Variants in SEC24D observed in about 807,000 individuals in gnomAD.
SEC24D encodes the protein SEC24 homolog D, COPII component.
A neutral mutation model predicts 116.9 loss-of-function variants in SEC24D; 69 were observed. That is an observed-to-expected ratio of 0.59 (90% CI 0.49 to 0.72). The LOEUF is 0.72. SEC24D is among the 30% of genes least tolerant of loss of function. The pLI is 0.00. For missense variants in SEC24D, 1,131 were observed against 1,264.1 expected (o/e 0.89, Z 1.60); for synonymous variants, 405 against 442.8 (o/e 0.91, Z 1.07).
chr4:118,788,804 T>C (rs747806788), intron 8 of SEC24D, among the ~76,000 whole-genome samples: 1 of 152,168 alleles, frequency 6.6e-6, no homozygotes. Flanking sequence ...TAAGATTCAC[T>C]GTGCTAAAAA....
intron 7 of SEC24D, among the ~76,000 whole-genome samples, chr4:118,800,912 G>A (rs1218654079): frequency 6.6e-6 from 1 of 152,106 alleles, no homozygotes; most frequent in East Asian, 1.9e-4. Flanking sequence ...AATGCTGGAT[G>A]AGGAGTTGAG....
intron 15 of SEC24D, 77 bp downstream of exon 15, chr4:118,743,911 C>A: frequency 1.5e-6 from 2 of 1,337,026 alleles, no homozygotes; most frequent in South Asian, 1.6e-5. Context: ...GGGAACACAG[C>A]TTTTTAAACC....
chr4:118,758,773 C>G (rs994365259), intron 10 of SEC24D: 2 of 152,126 alleles, frequency 1.3e-5, no homozygotes, highest in African/African-American at 4.8e-5. Flanking sequence ...ATATCCACTA[C>G]AAGGCTAGAG....
intron 7 of SEC24D, among the ~76,000 whole-genome samples, chr4:118,798,141 TAAAAC>T (rs965830638): frequency 5.9e-5 from 9 of 152,090 alleles, no homozygotes; most frequent in Admixed American, 1.3e-4. Flanking sequence ...ATGGAAAAAA[TAAAAC>T]AAAGAGACAC....
intron 8 of SEC24D, among the ~76,000 whole-genome samples, chr4:118,797,319 T>C (rs1052782693): frequency 1.3e-5 from 2 of 152,240 alleles, no homozygotes; most frequent in South Asian, 2.1e-4. Flanking sequence ...TCAAGGACTA[T>C]AGGATCTATC....
Position 118,731,520 on chromosome 4 carries a change from A to G in SEC24D, c.2677-13T>C. On this transcript the variant is annotated splice_polypyrimidine_tract_variant and intron_variant, in intron 20 of 22. Transcript: ENST00000280551. The stretch of plus-strand genomic sequence containing the variant: ...CATCTAACGTGTGCTGGGCAGGCAC[A>G]GACAAAAGAGTTAGAAACTCCTTTC... 6.2e-7 allele frequency: 1 copy of G among 1,612,220 alleles called. No homozygotes were observed. Among genetic ancestry groups the G allele is most frequent in the East Asian group, 2.2e-5 (1 of 44,854 alleles).
chr4:118,781,239 C>T (rs1161090056), intron 8 of SEC24D, among the ~76,000 whole-genome samples: 2 of 152,136 alleles, frequency 1.3e-5, no homozygotes, highest in Non-Finnish European at 2.9e-5. Context: ...TTGTCCCTTT[C>T]CATGTTTAGT....
chr4:118,827,798 C>T (rs767125314), intron 2 of SEC24D, among the ~76,000 whole-genome samples: 1 of 152,148 alleles, frequency 6.6e-6, no homozygotes, highest in Non-Finnish European at 1.5e-5. Flanking sequence ...TTGTTTGCTT[C>T]CTGATACCCT....
At chr4:118,780,479 T>C (rs1356262470) in intron 8 of SEC24D, among the ~76,000 whole-genome samples, 1 of 152,208 alleles carries the variant, frequency 6.6e-6, no homozygotes, top group Non-Finnish European at 1.5e-5. Flanking sequence ...TTTGTTGTGA[T>C]TTCTGTTCTT....
chr4:118,777,092 A>T (rs1223044887), intron 8 of SEC24D, among the ~76,000 whole-genome samples: 1 of 148,548 alleles, frequency 6.7e-6, no homozygotes, highest in Admixed American at 6.8e-5. Context: ...GAAGGTCTGA[A>T]TTATTTATTT....
intron 6 of SEC24D, among the ~76,000 whole-genome samples, chr4:118,808,864 G>T (rs925139075): frequency 6.6e-6 from 1 of 152,168 alleles, no homozygotes; most frequent in Non-Finnish European, 1.5e-5. Flanking sequence ...TGAGATAAAT[G>T]AACAAGGATA....
intron 21 of SEC24D, chr4:118,729,661 G>T (rs1376266459): frequency 2.0e-5 from 3 of 152,200 alleles, no homozygotes; most frequent in African/African-American, 7.2e-5. Context: ...TGATATGAAG[G>T]ATTTTGACTT....
At chr4:118,736,733 A>G (rs1225627209) in intron 19 of SEC24D, among the ~76,000 whole-genome samples, 1 of 152,198 alleles carries the variant, frequency 6.6e-6, no homozygotes, top group African/African-American at 2.4e-5. Flanking sequence ...AAAACATATC[A>G]TTGGTTGAAA....
chr4:118,756,694 G>C (rs1341737475), intron 11 of SEC24D, among the ~76,000 whole-genome samples: 1 of 152,138 alleles, frequency 6.6e-6, no homozygotes. Context: ...CTAGGTTACA[G>C]ACAACATTTC....
At chr4:118,828,220 T>C (rs1286250436) in intron 2 of SEC24D, among the ~76,000 whole-genome samples, 1 of 152,068 alleles carries the variant, frequency 6.6e-6, no homozygotes, top group Non-Finnish European at 1.5e-5. Flanking sequence ...GCCATTCTCC[T>C]GCCTCAGCCT....
intron 1 of SEC24D, among the ~76,000 whole-genome samples, chr4:118,835,470 C>G (rs1235308377): frequency 6.6e-6 from 1 of 152,218 alleles, no homozygotes; most frequent in Non-Finnish European, 1.5e-5. Context: ...GCAACTCTAG[C>G]CAAGGTGCAC....
intron 8 of SEC24D, among the ~76,000 whole-genome samples, chr4:118,776,790 C>G (rs932405494): frequency 1.3e-5 from 2 of 152,108 alleles, no homozygotes; most frequent in African/African-American, 4.8e-5. Flanking sequence ...AGGCCACTAG[C>G]AGAAAACACA....
At chr4:118,728,421 T>A (rs1343626667) in intron 22 of SEC24D, 140 bp downstream of exon 22, 1 of 600,816 alleles carries the variant, frequency 1.7e-6, no homozygotes, top group Non-Finnish European at 2.9e-6. Flanking sequence ...GTGAGGTTTT[T>A]TTAACTTTTA....
At chr4:118,792,787 A>G (rs923230861) in intron 8 of SEC24D, among the ~76,000 whole-genome samples, 6 of 152,178 alleles carry the variant, frequency 3.9e-5, no homozygotes, top group African/African-American at 1.2e-4. Context: ...TAGGAAAACC[A>G]GAGACCTTTG....
Sources: gnomAD v4.1 joint callset for allele counts (sites outside exome capture counted in the v4.1 genomes callset) on GRCh38, gnomAD v4.1.1 for gene constraint, MANE v1.5 for transcripts, NCBI Gene and HGNC (gene_info 2026-07-23, HGNC 2026-07-21) for gene names.